Variants in PRDM1 observed in about 807,000 individuals in gnomAD.
PRDM1 encodes the protein PR domain zinc finger protein 1.
A neutral mutation model predicts 62.8 loss-of-function variants in PRDM1; 13 were observed. The observed-to-expected ratio is 0.21, with a 90% CI of 0.13 to 0.33. PRDM1 has a LOEUF of 0.33. Among genes scored for constraint, PRDM1 ranks in the 10% least tolerant of loss-of-function variants. PRDM1 has a pLI of 1.00. For missense variants in PRDM1, 895 were observed against 1,058.8 expected, an observed-to-expected ratio of 0.85 and a Z score of 2.15; for synonymous variants, 396 against 417.6, an observed-to-expected ratio of 0.95 and a Z score of 0.63.
At chr6:106,084,143 G>C (rs762347456), upstream of PRDM1, among the ~76,000 whole-genome samples, 7 of 151,792 alleles carry the variant, frequency 4.6e-5, 1 homozygote. Context: ...TCAAAAGTTG[G>C]TTTGGAGGTT....
chr6:106,001,596 C>T (rs763586651), intron 1 of PRDM1, among the ~76,000 whole-genome samples: 1 of 152,072 alleles, frequency 6.6e-6, no homozygotes, highest in Non-Finnish European at 1.5e-5. Flanking sequence ...TTAAGTAGCC[C>T]ATCCTTTCCT....
rs547007874 is a variant in PRDM1, at chr6:106,109,357, A to C, written c.*1871A>C. 8.6e-6 allele frequency: 2 copies of C among 232,982 alleles called. No individual in the cohort carries two copies. The highest frequency in any genetic ancestry group is 1.1e-4 in the Admixed American group (2 of 17,774). The allele number at this position is 232,982 out of a possible 1,614,324, so 14.4% of individuals were successfully genotyped here. ...CCCAAGTCACAGAAATAAAAAACTG[A>C]CTTTACCGCTGCAATTTTTCTGTTT... On this transcript the variant is annotated 3_prime_UTR_variant, in exon 7 of 7. Coordinates refer to ENST00000369096, the MANE Select transcript of PRDM1 (RefSeq NM_001198.4).
chr6:106,006,551 C>G (rs1772485838), intron 1 of PRDM1, among the ~76,000 whole-genome samples: 1 of 151,830 alleles, frequency 6.6e-6, no homozygotes, highest in African/African-American at 2.4e-5. Flanking sequence ...TTCCTCTACC[C>G]TCCCAGGAGT....
In PRDM1 at chr6:106,104,221, T is replaced by TC. The variant is rs1459849262; in HGVS notation, c.665-603dup. On this transcript the variant is annotated intron_variant, in intron 4 of 6. Transcript: ENST00000369096. ...AAAATGGAAGTTTTTTTTTTTTTTT[T>TC]CTTTTTTGAGACAGAGTTTTGCTCT... Among the ~76,000 whole-genome samples the TC allele has an allele frequency of 1.9e-4, 27 of 143,900 alleles. No individual in the cohort carries two copies. In the East Asian group the frequency reaches 4.5e-3, roughly 24 times the overall value. 94.4% of individuals were successfully genotyped at this position (143,900 alleles called of 152,430 possible). A position where few individuals can be genotyped will look rare whatever the true frequency, so the allele number is the denominator to read the frequency against.
chr6:106,015,034 T>C (rs1195802034), intron 1 of PRDM1, among the ~76,000 whole-genome samples: 1 of 152,138 alleles, frequency 6.6e-6, no homozygotes, highest in East Asian at 1.9e-4. Flanking sequence ...GCCTTGCCCT[T>C]GTAGTCTGAG....
chr6:106,099,165 CTGAT>C, intron 3 of PRDM1, 131 bp from the exon 4 acceptor site: 2 of 1,604,132 alleles, frequency 1.2e-6, no homozygotes, highest in Non-Finnish European at 1.7e-6. Context: ...TCTGGCTAAA[CTGAT>C]TGGATTCTTT....
At chr6:106,102,569 G>A (rs2114644955) in intron 4 of PRDM1, among the ~76,000 whole-genome samples, 1 of 152,200 alleles carries the variant, frequency 6.6e-6, no homozygotes, top group African/African-American at 2.4e-5. Flanking sequence ...TTTTTTGTTG[G>A]CCCAATCATA....
In PRDM1 at chr6:106,016,354, T is replaced by TA. The variant is rs1772619655; in HGVS notation, c.-67+22716dup. Among the ~76,000 whole-genome samples the TA allele has an allele frequency of 3.3e-5, 5 of 152,130 alleles. 1 individual carries two copies. The South Asian group carries it at 1.0e-3, about 31-fold the overall frequency. ...AATTATTTACATTTATCTTTTTATT[T>TA]ACTTTTTAAAAATTTATATTATTTA... On this transcript the variant is annotated intron_variant, in intron 1 of 6. Transcript: ENST00000652320.
intron 1 of PRDM1, among the ~76,000 whole-genome samples, chr6:106,015,082 C>T (rs1772603656): frequency 6.6e-6 from 1 of 152,144 alleles, no homozygotes; most frequent in South Asian, 2.1e-4. Flanking sequence ...CCAAGGGTTC[C>T]CTTTGCTGGG....
chr6:106,107,416 C>T lies in PRDM1; in HGVS notation c.2408C>T (p.Pro803Leu), dbSNP rs2114665417. 1 of 1,614,042 alleles carries T rather than the reference C, an allele frequency of 6.2e-7. No individual in the cohort carries two copies. Among genetic ancestry groups the T allele is most frequent in the Non-Finnish European group, 8.5e-7 (1 of 1,179,976 alleles). Residue 803 changes from proline (P) to leucine (L), a missense_variant, in exon 7 of 7, where the codon CCT (proline) becomes CTT (leucine). Physicochemically the swap from Pro to Leu is moderately conservative, Grantham distance 98 (BLOSUM62 -3). Around this residue, in one of 4 missense-constraint regions of PRDM1, gnomAD observed 164 missense variants for 179.9 expected, o/e 0.91. Transcript: ENST00000369096. ...ESSDLPLMKL[P>L]PSNPLPLVPV... The stretch of plus-strand genomic sequence containing the variant: ...TCAGATCTACCCCTCATGAAGTTGC[C>T]TCCCAGCAACCCACTACCTCTGGTA...
chr6:106,105,668 C>G lies in PRDM1; in HGVS notation c.1508C>G (p.Ala503Gly), dbSNP rs1369048717. Residue 503 changes from alanine (A) to glycine (G), a missense_variant, in exon 5 of 7, where the codon GCC becomes GGC. This residue lies in a region of PRDM1 where 444 missense variants were observed against 422.7 expected (regional missense o/e 1.05). Coordinates refer to ENST00000369096, the MANE Select transcript of PRDM1 (RefSeq NM_001198.4). ...GCCTTCTCCTTTACCGGGGCCGCCG[C>G]CAGCATGAAGGACAAGGCCTGTAGC... Reference protein sequence around the residue: ...HSAFSFTGAAASMKDKACSPT... With the variant: ...HSAFSFTGAAGSMKDKACSPT... 1.9e-6 allele frequency: 3 copies of G among 1,612,156 alleles called. No individual in the cohort carries two copies. The highest frequency in any genetic ancestry group is 2.7e-5 in the African/African-American group (2 of 74,892).
In PRDM1 at chr6:106,106,952, C is replaced by T. The variant is rs895695074; in HGVS notation, c.1944C>T (p.Thr648=). ...TTAGCAGCACCAGCAATCTCAAGACCCACCTGCGACTCCATTCTGGAGAGA... is the reference window on the plus strand; with the variant it reads ...TTAGCAGCACCAGCAATCTCAAGACTCACCTGCGACTCCATTCTGGAGAGA... ...KRFSSTSNLK[T]HLRLHSGEKP... Residue 648 remains threonine, a synonymous_variant, in exon 7 of 7, where the codon ACC becomes ACT. Coordinates refer to ENST00000369096, the MANE Select transcript of PRDM1 (RefSeq NM_001198.4). This position sits in a 1 kb window ranked among gnomAD's most constrained non-coding sequence, Gnocchi z 4.4. 17 of 1,613,972 alleles carry T rather than the reference C, an allele frequency of 1.1e-5. No homozygotes were observed. Among genetic ancestry groups the T allele is most frequent in the Non-Finnish European group, 1.4e-5 (17 of 1,180,012 alleles).
chr6:106,023,330 G>C (rs1449196098), intron 1 of PRDM1, among the ~76,000 whole-genome samples: 5 of 152,052 alleles, frequency 3.3e-5, no homozygotes, highest in Non-Finnish European at 7.4e-5. Flanking sequence ...ACTCCCTGTA[G>C]TGTTTAACAG....
At chr6:106,044,524 T>C (rs1773045632), upstream of PRDM1, among the ~76,000 whole-genome samples, 1 of 152,250 alleles carries the variant, frequency 6.6e-6, no homozygotes, top group Non-Finnish European at 1.5e-5. Context: ...GTTCAGTATC[T>C]GGCCTCAAAT....
intron 1 of PRDM1, among the ~76,000 whole-genome samples, chr6:106,042,349 C>T (rs191288286): frequency 3.3e-5 from 5 of 150,322 alleles, no homozygotes; most frequent in African/African-American, 1.2e-4. Flanking sequence ...GGAGAAACCC[C>T]GTCTCTACCA....
At chr6:106,080,373 G>A (rs1040520981) in intron 1 of PRDM1, among the ~76,000 whole-genome samples, 1 of 152,192 alleles carries the variant, frequency 6.6e-6, no homozygotes, top group Non-Finnish European at 1.5e-5. Flanking sequence ...AGGCCCCAGA[G>A]TCATTGATTT....
chr6:106,080,827 G>T (rs1773682481), intron 1 of PRDM1, among the ~76,000 whole-genome samples: 1 of 152,142 alleles, frequency 6.6e-6, no homozygotes, highest in Non-Finnish European at 1.5e-5. Flanking sequence ...CCCTGTGTTT[G>T]GTCCCATTCT....
At chr6:106,010,724 A>G (rs1015225320) in intron 1 of PRDM1, among the ~76,000 whole-genome samples, 8 of 152,182 alleles carry the variant, frequency 5.3e-5, no homozygotes, top group African/African-American at 1.9e-4. Flanking sequence ...GAAGCATGAC[A>G]CCGTGGAGCC....
At chr6:105,996,495 G>T (rs1772350398) in intron 1 of PRDM1, among the ~76,000 whole-genome samples, 1 of 152,132 alleles carries the variant, frequency 6.6e-6, no homozygotes, top group African/African-American at 2.4e-5. Flanking sequence ...GTCATTGTAA[G>T]TTACCTGTTT....
Sources: allele counts gnomAD v4.1 joint callset (sites outside exome capture counted in the v4.1 genomes callset), GRCh38; gene constraint gnomAD v4.1.1; regional missense constraint gnomAD v4.1.1; non-coding constraint Gnocchi (gnomAD v3.1); transcripts MANE v1.5; gene names NCBI Gene and HGNC (gene_info 2026-07-23, HGNC 2026-07-21).